Variants in DLG2 observed in about 807,000 individuals in gnomAD.
DLG2 encodes the protein discs large MAGUK scaffold protein 2, also known as disks large homolog 2.
A neutral mutation model predicts 132.5 loss-of-function variants in DLG2; 45 were observed. The ratio of observed to expected loss-of-function variants is 0.34; its 90% CI spans 0.27 to 0.44. The LOEUF (loss-of-function observed/expected upper bound fraction) is 0.44. Among genes scored for constraint, DLG2 ranks in the 20% least tolerant of loss-of-function variants. The probability of loss-of-function intolerance (pLI) is 1.00; values close to 1 mark genes in which losing one functional copy is unlikely to be tolerated. For missense variants in DLG2, 1,045 were observed against 1,196.9 expected, an observed-to-expected ratio of 0.87 and a Z score of 1.87; for synonymous variants, 424 against 419.6, an observed-to-expected ratio of 1.01 and a Z score of -0.13.
intron 18 of DLG2, chr11:83,645,777 A>C (rs2153499903): frequency 6.6e-6 from 1 of 152,256 alleles, no homozygotes; most frequent in Non-Finnish European, 1.5e-5. Flanking sequence ...AAGGCTAAAA[A>C]TTTGGGAGAT....
intron 6 of DLG2, among the ~76,000 whole-genome samples, chr11:84,658,146 T>C (rs1275401399): frequency 6.6e-6 from 1 of 152,170 alleles, no homozygotes; most frequent in Non-Finnish European, 1.5e-5. Context: ...TTCTATAGGA[T>C]AAAATGTATA....
chr11:84,622,428 T>C (rs1460397106), intron 6 of DLG2, among the ~76,000 whole-genome samples: 1 of 152,148 alleles, frequency 6.6e-6, no homozygotes, highest in African/African-American at 2.4e-5. Flanking sequence ...ACAAACATTC[T>C]TGGATATGAA....
At chr11:84,939,972 C>A (rs1280287048) in intron 6 of DLG2, among the ~76,000 whole-genome samples, 1 of 152,070 alleles carries the variant, frequency 6.6e-6, no homozygotes, top group African/African-American at 2.4e-5. Context: ...TATAGTAGTT[C>A]TGTTTTTAGC....
At chr11:84,617,447 G>A (rs1012917251) in intron 6 of DLG2, among the ~76,000 whole-genome samples, 13 of 152,064 alleles carry the variant, frequency 8.5e-5, no homozygotes, top group Non-Finnish European at 1.9e-4. Flanking sequence ...ATAAACATAT[G>A]TTTGCATGTG....
intron 6 of DLG2, among the ~76,000 whole-genome samples, chr11:84,700,155 A>G (rs1490861059): frequency 6.6e-6 from 1 of 151,682 alleles, no homozygotes; most frequent in Non-Finnish European, 1.5e-5. Context: ...AACTTGGGTG[A>G]AACCTTACAG....
intron 7 of DLG2, among the ~76,000 whole-genome samples, chr11:84,521,208 G>C (rs914418242): frequency 6.6e-6 from 1 of 152,126 alleles, no homozygotes; most frequent in African/African-American, 2.4e-5. Context: ...CCTAGATTTG[G>C]CCCTTTACTA....
intron 9 of DLG2, among the ~76,000 whole-genome samples, chr11:84,131,121 A>C (rs940601399): frequency 3.9e-5 from 6 of 151,968 alleles, no homozygotes; most frequent in African/African-American, 1.4e-4. Flanking sequence ...TAGAGAAAAC[A>C]TAAGTGGTAA....
intron 7 of DLG2, among the ~76,000 whole-genome samples, chr11:84,375,563 A>C (rs2098725677): frequency 6.6e-6 from 1 of 152,064 alleles, no homozygotes; most frequent in African/African-American, 2.4e-5. Context: ...AAATGTGGAT[A>C]TCTATCTTTT....
chr11:85,029,516 A>G (rs2060832682), intron 6 of DLG2, among the ~76,000 whole-genome samples: 1 of 152,238 alleles, frequency 6.6e-6, no homozygotes, highest in African/African-American at 2.4e-5. Context: ...GCCTAAATAT[A>G]TAATTGAGAA....
At chr11:83,619,238 C>A (rs2061298654) in intron 19 of DLG2, among the ~76,000 whole-genome samples, 1 of 152,166 alleles carries the variant, frequency 6.6e-6, no homozygotes, top group African/African-American at 2.4e-5. Context: ...TACTCACTGA[C>A]CATCTTTAAC....
At chr11:84,554,997 G>A (rs1340159675) in intron 6 of DLG2, among the ~76,000 whole-genome samples, 3 of 152,030 alleles carry the variant, frequency 2.0e-5, no homozygotes, top group East Asian at 1.9e-4. Flanking sequence ...GAATTGACAC[G>A]GCTTTCTGAA....
chr11:85,216,381 T>C (rs1360197689), intron 4 of DLG2, among the ~76,000 whole-genome samples: 2 of 152,200 alleles, frequency 1.3e-5, no homozygotes, highest in East Asian at 3.8e-4. Flanking sequence ...TAAAATCCAA[T>C]AATAAGACTA....
intron 18 of DLG2, among the ~76,000 whole-genome samples, chr11:83,673,508 G>A (rs1174210779): frequency 1.3e-5 from 2 of 152,148 alleles, no homozygotes; most frequent in Non-Finnish European, 2.9e-5. Context: ...AGACAATAAT[G>A]CATTATCCTG....
At chr11:83,990,431 C>T (rs1038199587) in intron 11 of DLG2, among the ~76,000 whole-genome samples, 1 of 152,054 alleles carries the variant, frequency 6.6e-6, no homozygotes, top group Non-Finnish European at 1.5e-5. Flanking sequence ...AGTTTTTCCA[C>T]ACAAAATCTT....
At chr11:85,282,069 A>G (rs1403489206) in intron 4 of DLG2, among the ~76,000 whole-genome samples, 3 of 151,990 alleles carry the variant, frequency 2.0e-5, no homozygotes, top group African/African-American at 7.2e-5. Context: ...TTGCAACAAC[A>G]TGGATGGAAT....
intron 4 of DLG2, among the ~76,000 whole-genome samples, chr11:85,196,104 C>T (rs1250792540): frequency 6.6e-6 from 1 of 152,166 alleles, no homozygotes; most frequent in Non-Finnish European, 1.5e-5. Flanking sequence ...TCCTTTTATA[C>T]TTAGGGAAAC....
At chr11:84,531,069 T>A (rs1199598154) in intron 7 of DLG2, among the ~76,000 whole-genome samples, 1 of 152,020 alleles carries the variant, frequency 6.6e-6, no homozygotes, top group Non-Finnish European at 1.5e-5. Flanking sequence ...GGAGCCAAGA[T>A]TGTGCCACTG....
chr11:84,923,331 T>A, intron 6 of DLG2: 1 of 1,280,048 alleles, frequency 7.8e-7, no homozygotes, highest in South Asian at 2.4e-5. Context: ...TATATAGCAT[T>A]ATGCCCAGTA....
intron 7 of DLG2, among the ~76,000 whole-genome samples, chr11:84,519,410 C>T (rs1196873598): frequency 6.6e-6 from 1 of 152,118 alleles, no homozygotes; most frequent in Non-Finnish European, 1.5e-5. Context: ...AGTTAAAACC[C>T]AAATTCAAAG....
Sources: allele counts gnomAD v4.1 joint callset (sites outside exome capture counted in the v4.1 genomes callset), GRCh38; gene constraint gnomAD v4.1.1; transcripts MANE v1.5; gene names NCBI Gene and HGNC (gene_info 2026-07-23, HGNC 2026-07-21).